The following POU6F2 variants were observed in gnomAD, a reference collection of about 807,000 sequenced individuals.
POU6F2 encodes the protein POU class 6 homeobox 2.
In POU6F2, 31 loss-of-function variants were observed where a neutral mutation model predicts 71.3. That is an observed-to-expected ratio of 0.43 (90% CI 0.33 to 0.59). POU6F2 has a LOEUF of 0.59. POU6F2 is among the 20% of genes least tolerant of loss of function. The probability of loss-of-function intolerance (pLI) is 0.04; values close to 1 mark genes in which losing one functional copy is unlikely to be tolerated. For missense variants in POU6F2, 783 were observed against 856.8 expected, an observed-to-expected ratio of 0.91 and a Z score of 1.07; for synonymous variants, 347 against 355.7, an observed-to-expected ratio of 0.98 and a Z score of 0.27.
At chr7:39,128,714 A>C (rs1034406060) in intron 2 of POU6F2, among the ~76,000 whole-genome samples, 35 of 152,340 alleles carry the variant, frequency 2.3e-4, no homozygotes, top group African/African-American at 8.4e-4. Context: ...AAGAAAACCA[A>C]AGATATCCAG....
chr7:39,150,225 C>CTGTGTGTG (rs60761447), intron 2 of POU6F2, among the ~76,000 whole-genome samples: 35,056 of 140,980 alleles, frequency 0.25, 4,531 homozygotes, highest in African/African-American at 0.27. Flanking sequence ...AGTAATATGT[C>CTGTGTGTG]TGTGTGTGTG....
intron 2 of POU6F2, among the ~76,000 whole-genome samples, chr7:39,201,113 C>G (rs1793892387): frequency 6.6e-6 from 1 of 152,160 alleles, no homozygotes; most frequent in Non-Finnish European, 1.5e-5. Context: ...TGCGCTGTTT[C>G]ATGAAAGTTA....
In POU6F2 at chr7:39,381,056, T is replaced by A. The variant is rs1217978339; in HGVS notation, c.973-25544T>A. 2.6e-5 allele frequency among the ~76,000 whole-genome samples: 4 copies of A among 152,122 alleles called. No homozygotes were observed. The East Asian group carries it at 7.7e-4, about 29-fold the overall frequency. On this transcript the variant is annotated intron_variant, in intron 5 of 9. Coordinates refer to ENST00000518318, the MANE Select transcript of POU6F2 (RefSeq NM_001370959.1). ...AACATCCAGCCTTCTCAGCCTTTTT[T>A]GTTTTTTGTTTTTGTTTTTGAGACA...
chr7:39,341,551 C>A (rs1785918857), intron 5 of POU6F2, among the ~76,000 whole-genome samples: 1 of 152,056 alleles, frequency 6.6e-6, no homozygotes, highest in Non-Finnish European at 1.5e-5. Flanking sequence ...TTTATTATTC[C>A]AAAAAATTAA....
chr7:39,132,780 G>A (rs1007995575), intron 2 of POU6F2: 2 of 152,298 alleles, frequency 1.3e-5, no homozygotes, highest in Middle Eastern at 3.4e-3. Context: ...AAGGGGAAAG[G>A]AACATGAGAA....
chr7:39,182,528 A>G (rs1724668384), intron 2 of POU6F2, among the ~76,000 whole-genome samples: 1 of 152,158 alleles, frequency 6.6e-6, no homozygotes, highest in African/African-American at 2.4e-5. Context: ...TAACAAATCT[A>G]GTAGGCATCT....
At chr7:39,328,553 C>G (rs1384807018) in intron 4 of POU6F2, among the ~76,000 whole-genome samples, 1 of 152,188 alleles carries the variant, frequency 6.6e-6, no homozygotes, top group Non-Finnish European at 1.5e-5. Context: ...GTGTCCTAGG[C>G]TGGATCAGAA....
At chr7:39,156,416 A>T (rs914170913) in intron 2 of POU6F2, among the ~76,000 whole-genome samples, 1 of 152,080 alleles carries the variant, frequency 6.6e-6, no homozygotes. Context: ...CATTTCAGCT[A>T]TGTAGTTTAT....
At chr7:39,262,682 G>A (rs535922816) in intron 4 of POU6F2, among the ~76,000 whole-genome samples, 79 of 152,196 alleles carry the variant, frequency 5.2e-4, no homozygotes, top group Non-Finnish European at 9.7e-4. Flanking sequence ...CAGAACATAA[G>A]CATCTTTACT....
intron 4 of POU6F2, among the ~76,000 whole-genome samples, chr7:39,223,992 G>T (rs1366245420): frequency 1.3e-5 from 2 of 152,100 alleles, no homozygotes; most frequent in African/African-American, 4.8e-5. Context: ...TGCAATAGAT[G>T]ATTTTGTTTA....
intron 5 of POU6F2, among the ~76,000 whole-genome samples, chr7:39,399,502 C>A (rs2115866100): frequency 6.6e-6 from 1 of 152,286 alleles, no homozygotes; most frequent in African/African-American, 2.4e-5. Context: ...TAGAGGGAAA[C>A]ATGATTATCA....
At position 39,125,376 on chromosome 7, in the gene POU6F2, G is replaced by C. The variant is rs567425338; in HGVS notation, c.277+39345G>C. 5.3e-5 allele frequency among the ~76,000 whole-genome samples: 8 copies of C among 152,192 alleles called. No homozygotes were observed. In the East Asian group the frequency reaches 1.4e-3, roughly 26 times the overall value. On this transcript the variant is annotated intron_variant, in intron 2 of 9. Transcript: ENST00000518318. ...ATTGTGGGTCCCCAGTTATATTTTA[G>C]TGTCCTTCACCCTTTCCTCCTTTAT...
chr7:39,417,857 T>C (rs1787715914), intron 6 of POU6F2, among the ~76,000 whole-genome samples: 1 of 152,214 alleles, frequency 6.6e-6, no homozygotes, highest in South Asian at 2.1e-4. Context: ...TTAATCTTCC[T>C]CAGCTAAAGT....
chr7:39,272,518 A>G (rs1036423705), intron 4 of POU6F2, among the ~76,000 whole-genome samples: 1 of 152,222 alleles, frequency 6.6e-6, no homozygotes, highest in East Asian at 1.9e-4. Context: ...CTGAAAAAAA[A>G]CAAAAACACC....
chr7:39,059,401 G>A (rs902995433), intron 1 of POU6F2, among the ~76,000 whole-genome samples: 14 of 151,726 alleles, frequency 9.2e-5, no homozygotes, highest in Non-Finnish European at 1.8e-4. Context: ...GATATTTAAA[G>A]TGAGTGACCG....
At chr7:39,153,017 G>A (rs751446670) in intron 2 of POU6F2, among the ~76,000 whole-genome samples, 2 of 152,152 alleles carry the variant, frequency 1.3e-5, no homozygotes, top group South Asian at 4.1e-4. Context: ...GCTCGCTTAC[G>A]CTTACTCAAG....
chr7:39,175,757 C>G (rs1051940150), intron 2 of POU6F2, among the ~76,000 whole-genome samples: 1 of 152,112 alleles, frequency 6.6e-6, no homozygotes, highest in Non-Finnish European at 1.5e-5. Context: ...CCTTAACACC[C>G]ACTTCTCCAG....
At chr7:39,018,653 A>G (rs1432447028) in intron 1 of POU6F2, among the ~76,000 whole-genome samples, 1 of 152,162 alleles carries the variant, frequency 6.6e-6, no homozygotes, top group East Asian at 1.9e-4. Flanking sequence ...TTCCATATGT[A>G]TCTGTAAATT....
At chr7:39,047,188 G>A (rs192147708) in intron 1 of POU6F2, among the ~76,000 whole-genome samples, 1 of 151,806 alleles carries the variant, frequency 6.6e-6, no homozygotes, top group African/African-American at 2.4e-5. Context: ...GTTATTCCAG[G>A]CTCTCTGCAT....
Sources: allele counts gnomAD v4.1 joint callset (sites outside exome capture counted in the v4.1 genomes callset), GRCh38; gene constraint gnomAD v4.1.1; transcripts MANE v1.5; gene names NCBI Gene and HGNC (gene_info 2026-07-23, HGNC 2026-07-21).